Variants in ATG10 observed in about 807,000 individuals in gnomAD.
ATG10 encodes ubiquitin-like-conjugating enzyme ATG10.
Under a neutral mutation model 32.1 loss-of-function variants are expected in ATG10, and 30 were observed. The ratio of observed to expected loss-of-function variants is 0.94; its 90% CI spans 0.70 to 1.27. The LOEUF is 1.27. Ranked by LOEUF, ATG10 falls within the 50% of genes most tolerant of loss-of-function variation. The probability of loss-of-function intolerance (pLI) is 0.00; values close to 1 mark genes in which losing one functional copy is unlikely to be tolerated. For missense variants in ATG10, 233 were observed against 262.3 expected, an observed-to-expected ratio of 0.89 and a Z score of 0.77; for synonymous variants, 87 against 91.5, an observed-to-expected ratio of 0.95 and a Z score of 0.28.
intron 5 of ATG10, among the ~76,000 whole-genome samples, chr5:82,190,432 T>G (rs532432764): frequency 1.3e-5 from 2 of 152,066 alleles, no homozygotes; most frequent in East Asian, 3.9e-4. Context: ...CACAGACATT[T>G]TTGCATCCCA....
intron 4 of ATG10, among the ~76,000 whole-genome samples, chr5:82,177,214 T>C (rs1744065965): frequency 6.6e-6 from 1 of 152,186 alleles, no homozygotes; most frequent in Non-Finnish European, 1.5e-5. Context: ...GGATCATTAT[T>C]CTCATTTTGC....
chr5:82,093,173 G>A (rs1581683137), intron 3 of ATG10, among the ~76,000 whole-genome samples: 1 of 152,024 alleles, frequency 6.6e-6, no homozygotes, highest in South Asian at 2.1e-4. Flanking sequence ...TTACATATGT[G>A]GTTTTATAAT....
chr5:82,253,510 G>A (rs957530068), intron 7 of ATG10, 81 bp downstream of exon 7: 1 of 974,238 alleles, frequency 1.0e-6, no homozygotes, highest in Non-Finnish European at 1.6e-6. Flanking sequence ...CCCACCAAAT[G>A]CAAAATTTGC....
chr5:81,989,891 G>T (rs2149670420), intron 2 of ATG10, among the ~76,000 whole-genome samples: 1 of 152,224 alleles, frequency 6.6e-6, no homozygotes, highest in East Asian at 1.9e-4. Flanking sequence ...TGCCAAGCCT[G>T]TTTCAATTTT....
chr5:82,118,393 T>TATATATATATATATATATATATATAA (rs1259980257), intron 3 of ATG10, among the ~76,000 whole-genome samples: 1 of 119,210 alleles, frequency 8.4e-6, no homozygotes, highest in African/African-American at 3.0e-5. Flanking sequence ...TGTACATATA[T>TATATATATATATATATATATATATAA]ATATATATAT....
At chr5:82,010,159 C>T in intron 2 of ATG10, 1 of 1,323,078 alleles carries the variant, frequency 7.6e-7, no homozygotes, top group Non-Finnish European at 1.1e-6. Flanking sequence ...ATTTCTTGTC[C>T]TCAAGGTCTT....
intron 4 of ATG10, among the ~76,000 whole-genome samples, chr5:82,175,743 A>T (rs1424084015): frequency 6.6e-6 from 1 of 152,166 alleles, no homozygotes; most frequent in East Asian, 1.9e-4. Flanking sequence ...TTTCTCACTA[A>T]AGTCTAAAAT....
chr5:82,183,326 CT>C lies in ATG10; in HGVS notation c.453+4748del, dbSNP rs200711063. On this transcript the variant is annotated intron_variant, in intron 5 of 7. Coordinates refer to ENST00000282185, the MANE Select transcript of ATG10 (RefSeq NM_031482.5). ...CTTACAGATTCTCATTCCTCCATCT[CT>C]TTTTTTTTCCTGGTAATTTTTTGTT... Among the ~76,000 whole-genome samples the C allele has an allele frequency of 3.2e-4, 48 of 150,924 alleles. No homozygotes were observed. The East Asian group carries it at 8.6e-3, about 27-fold the overall frequency.
At chr5:82,026,314 T>G (rs2149710882) in intron 2 of ATG10, among the ~76,000 whole-genome samples, 1 of 152,316 alleles carries the variant, frequency 6.6e-6, no homozygotes, top group Non-Finnish European at 1.5e-5. Context: ...GTATCAGAAT[T>G]TCCTTCTTTT....
chr5:82,170,903 C>T (rs903104807), intron 4 of ATG10, among the ~76,000 whole-genome samples: 11 of 151,952 alleles, frequency 7.2e-5, no homozygotes, highest in African/African-American at 9.7e-5. Context: ...GCCGAGATCA[C>T]GCCACTGCAG....
chr5:81,974,768 A>G (rs76736373), intron 1 of ATG10, among the ~76,000 whole-genome samples: 24,732 of 152,070 alleles, frequency 0.16, 2,480 homozygotes, highest in South Asian at 0.36. Flanking sequence ...GGCGAGAGCT[A>G]TGTCTCCAAG....
At chr5:82,072,616 A>G (rs1581659733) in intron 3 of ATG10, among the ~76,000 whole-genome samples, 1 of 152,322 alleles carries the variant, frequency 6.6e-6, no homozygotes, top group South Asian at 2.1e-4. Flanking sequence ...TGAAGAAAAA[A>G]TTCAGAATAT....
intron 2 of ATG10, among the ~76,000 whole-genome samples, chr5:82,017,389 C>G (rs1762318959): frequency 6.6e-6 from 1 of 151,976 alleles, no homozygotes; most frequent in African/African-American, 2.4e-5. Context: ...ATTTGGATGC[C>G]CTTTATTTCT....
intron 3 of ATG10, among the ~76,000 whole-genome samples, chr5:82,144,940 A>G (rs1767289432): frequency 6.6e-6 from 1 of 152,028 alleles, no homozygotes; most frequent in Non-Finnish European, 1.5e-5. Context: ...TAGTTCTGTC[A>G]ATTTTTGCTT....
At chr5:82,163,539 C>T (rs1743452124) in intron 3 of ATG10, among the ~76,000 whole-genome samples, 1 of 152,112 alleles carries the variant, frequency 6.6e-6, no homozygotes, top group Non-Finnish European at 1.5e-5. Context: ...TAGAAATGAG[C>T]TAAACCAACC....
rs374230555 is a variant in ATG10, at chr5:82,095,097, A to G, written c.216+36495A>G. Among the ~76,000 whole-genome samples, 16 of 152,276 alleles carry G rather than the reference A, an allele frequency of 1.1e-4. No individual in the cohort carries two copies. The East Asian group carries it at 1.7e-3, about 17-fold the overall frequency. ...AAATTAAATAAATAAAGCTTTTACTACATTTTTAAAATGAAGATAACAGAA... is the reference window on the plus strand; with the variant it reads ...AAATTAAATAAATAAAGCTTTTACTGCATTTTTAAAATGAAGATAACAGAA... On this transcript the variant is annotated intron_variant, in intron 3 of 7. Transcript: ENST00000282185.
At chr5:82,002,317 A>T (rs916250970) in intron 2 of ATG10, among the ~76,000 whole-genome samples, 1 of 152,232 alleles carries the variant, frequency 6.6e-6, no homozygotes, top group African/African-American at 2.4e-5. Flanking sequence ...AGGAATATAA[A>T]TCATTCTGCC....
chr5:82,250,416 G>C (rs911091371), intron 5 of ATG10, among the ~76,000 whole-genome samples: 1 of 152,146 alleles, frequency 6.6e-6, no homozygotes, highest in African/African-American at 2.4e-5. Context: ...ACAGGATCCA[G>C]GATGAGGGCA....
Position 82,047,864 on chromosome 5 carries a change from GTCTTTAAT to G in ATG10, c.109-10630_109-10623del, listed in dbSNP as rs1402710957. On this transcript the variant is annotated intron_variant, in intron 2 of 7. Coordinates refer to ENST00000282185, the MANE Select transcript of ATG10 (RefSeq NM_031482.5). The stretch of plus-strand genomic sequence containing the variant: ...TTATGGTTTTAGGTCTAACGTTAAA[GTCTTTAAT>G]CCACCTTGAATTGATTTTTGTGTAA... 1.6e-4 allele frequency among the ~76,000 whole-genome samples: 24 copies of G among 152,198 alleles called. 1 individual carries two copies. Among genetic ancestry groups the G allele is most frequent in the Non-Finnish European group, 4.4e-5 (3 of 68,036 alleles).
Sources: allele counts gnomAD v4.1 joint callset (sites outside exome capture counted in the v4.1 genomes callset), GRCh38; gene constraint gnomAD v4.1.1; transcripts MANE v1.5; gene names NCBI Gene and HGNC (gene_info 2026-07-23, HGNC 2026-07-21).